SLC7A1: variants seen among roughly 807,000 people sequenced by gnomAD.
SLC7A1 encodes the protein solute carrier family 7 member 1.
In SLC7A1, 10 loss-of-function variants were observed where a neutral mutation model predicts 53.9. That is an observed-to-expected ratio of 0.19 (90% confidence interval 0.11 to 0.31). The LOEUF is 0.31. SLC7A1 is among the 10% of genes least tolerant of loss of function. The probability of loss-of-function intolerance (pLI) is 1.00; values close to 1 mark genes in which losing one functional copy is unlikely to be tolerated. For missense variants in SLC7A1, 525 were observed against 827.2 expected, an observed-to-expected ratio of 0.63 and a Z score of 4.48; for synonymous variants, 342 against 338.7, an observed-to-expected ratio of 1.01 and a Z score of -0.11.
In SLC7A1 at chr13:29,519,468, G is replaced by T; in HGVS notation, c.1271C>A (p.Ala424Asp). The change falls in exon 9 of 13, where the codon GCT becomes GAT. Residue 424 changes from alanine to aspartate, a missense_variant. Physicochemically the swap from Ala to Asp is moderately radical, Grantham distance 126 (BLOSUM62 -2). Transcript: ENST00000380752. ...ATACCGTAAGACCAACACACAGGCA[G>T]CCACCAACGAGTAAGCCAGGAGAGT... Reference protein sequence around the residue: ...IGTLLAYSLVAACVLVLRYQP... With the variant: ...IGTLLAYSLVDACVLVLRYQP... The T allele has an allele frequency of 6.2e-7, 1 of 1,612,292 alleles. No individual in the cohort carries two copies. The highest frequency in any genetic ancestry group is 8.5e-7 in the Non-Finnish European group (1 of 1,178,426).
chr13:29,548,128 C>G (rs1265626610), intron 2 of SLC7A1, among the ~76,000 whole-genome samples: 1 of 152,194 alleles, frequency 6.6e-6, no homozygotes, highest in African/African-American at 2.4e-5. Flanking sequence ...TCCTGAGACA[C>G]TTCTCTGGGC....
intron 1 of SLC7A1, among the ~76,000 whole-genome samples, chr13:29,591,553 G>A (rs181561953): frequency 4.5e-4 from 65 of 145,442 alleles, no homozygotes; most frequent in African/African-American, 1.5e-3. Flanking sequence ...GGCAGTGTGG[G>A]ATCCACTTTT....
At chr13:29,516,518 T>C (rs1014858459) in intron 11 of SLC7A1, among the ~76,000 whole-genome samples, 1 of 152,256 alleles carries the variant, frequency 6.6e-6, no homozygotes, top group Non-Finnish European at 1.5e-5. Flanking sequence ...CATTTTTCTC[T>C]GTTGCGATTC....
chr13:29,527,887 T>A (rs1335468284), intron 5 of SLC7A1, among the ~76,000 whole-genome samples: 3 of 152,226 alleles, frequency 2.0e-5, no homozygotes, highest in Non-Finnish European at 4.4e-5. Context: ...TTTAATTATT[T>A]CAGCTGGACA....
intron 1 of SLC7A1, among the ~76,000 whole-genome samples, chr13:29,577,350 C>T (rs1871451216): frequency 6.6e-6 from 1 of 152,192 alleles, no homozygotes; most frequent in Non-Finnish European, 1.5e-5. Context: ...ATTCAGCAGG[C>T]TCCCACAGTT....
chr13:29,545,879 C>T (rs1454040510), intron 2 of SLC7A1, among the ~76,000 whole-genome samples: 1 of 152,212 alleles, frequency 6.6e-6, no homozygotes, highest in East Asian at 1.9e-4. Flanking sequence ...CCAGAGAACA[C>T]CCGAAAAGTG....
chr13:29,537,392 CT>C (rs1307475683), intron 2 of SLC7A1, among the ~76,000 whole-genome samples: 1 of 152,200 alleles, frequency 6.6e-6, no homozygotes, highest in Non-Finnish European at 1.5e-5. Context: ...CTGACTGGTT[CT>C]GTCAAGGTCA....
intron 1 of SLC7A1, among the ~76,000 whole-genome samples, chr13:29,588,589 C>T (rs923090871): frequency 6.7e-6 from 1 of 150,276 alleles, no homozygotes; most frequent in African/African-American, 2.5e-5. Context: ...CTGCAACCTC[C>T]GCCTCCCGGG....
At chr13:29,554,913 T>G (rs1870362196) in intron 1 of SLC7A1, among the ~76,000 whole-genome samples, 1 of 152,120 alleles carries the variant, frequency 6.6e-6, no homozygotes, top group South Asian at 2.1e-4. Context: ...GAATACTTAC[T>G]CTTTATCTAC....
intron 12 of SLC7A1, among the ~76,000 whole-genome samples, chr13:29,515,237 C>T (rs1190632090): frequency 6.6e-6 from 1 of 152,244 alleles, no homozygotes; most frequent in Non-Finnish European, 1.5e-5. Flanking sequence ...CAGGCTCCTG[C>T]ACACAGGGAC....
intron 1 of SLC7A1, among the ~76,000 whole-genome samples, chr13:29,556,364 G>A (rs1870440655): frequency 6.6e-6 from 1 of 151,896 alleles, no homozygotes; most frequent in Non-Finnish European, 1.5e-5. Context: ...TTTATTTCAA[G>A]TTGTTCTAAA....
At chr13:29,531,057 C>T (rs927368859) in intron 4 of SLC7A1, among the ~76,000 whole-genome samples, 4 of 152,142 alleles carry the variant, frequency 2.6e-5, no homozygotes, top group Admixed American at 1.3e-4. Context: ...CACACCAAGC[C>T]GCTCCCTCTC....
At chr13:29,525,543 T>C (rs919880456) in intron 5 of SLC7A1, among the ~76,000 whole-genome samples, 8 of 152,212 alleles carry the variant, frequency 5.3e-5, no homozygotes, top group African/African-American at 1.9e-4. Flanking sequence ...CACTGGCTGA[T>C]AAAACAGACA....
At chr13:29,584,655 A>T (rs748106636) in intron 1 of SLC7A1, among the ~76,000 whole-genome samples, 15 of 152,196 alleles carry the variant, frequency 9.9e-5, no homozygotes, top group Non-Finnish European at 2.1e-4. Context: ...AGGCAGAGTC[A>T]ATTCCCTTGA....
intron 2 of SLC7A1, among the ~76,000 whole-genome samples, chr13:29,547,976 T>C (rs939594856): frequency 1.4e-4 from 22 of 152,244 alleles, no homozygotes; most frequent in Admixed American, 1.4e-3. Context: ...ACATGTTAAC[T>C]AGTTAAAGCG....
intron 7 of SLC7A1, among the ~76,000 whole-genome samples, chr13:29,522,959 G>C (rs999065524): frequency 6.6e-6 from 1 of 152,158 alleles, no homozygotes; most frequent in Admixed American, 6.5e-5. Context: ...GCCAAAATAT[G>C]GTGTTCAAAC....
rs1422552461 is a variant in SLC7A1, at chr13:29,574,292, G to A, written c.-114-20432C>T. Among the ~76,000 whole-genome samples the A allele has an allele frequency of 3.9e-5, 6 of 152,230 alleles. No individual in the cohort carries two copies. The South Asian group carries it at 1.2e-3, about 32-fold the overall frequency. On this transcript the variant is annotated intron_variant, in intron 1 of 12. Coordinates refer to ENST00000380752, the MANE Select transcript of SLC7A1 (RefSeq NM_003045.5). ...GCCTGTGTTATCACTCTAGCTGTGG[G>A]AGATGCCTTGCAACTTCCAGAAAGG...
chr13:29,519,423 G>A, intron 9 of SLC7A1, 24 bp downstream of exon 9: 4 of 1,401,146 alleles, frequency 2.9e-6, no homozygotes, highest in Non-Finnish European at 4.0e-6. Context: ...TTTCTGTCAT[G>A]AGACCCCCAA....
chr13:29,555,582 C>T (rs1041240624), intron 1 of SLC7A1, among the ~76,000 whole-genome samples: 1 of 150,702 alleles, frequency 6.6e-6, no homozygotes, highest in Non-Finnish European at 1.5e-5. Flanking sequence ...CCACCAGGGA[C>T]ACAGCATCCT....
Sources: allele counts gnomAD v4.1 joint callset (sites outside exome capture counted in the v4.1 genomes callset), GRCh38; gene constraint gnomAD v4.1.1; transcripts MANE v1.5; gene names NCBI Gene and HGNC (gene_info 2026-07-23, HGNC 2026-07-21).